Variants in RBFOX1 observed in about 807,000 individuals in gnomAD.
RBFOX1 encodes RNA binding protein fox-1 homolog 1.
In RBFOX1, 8 loss-of-function variants were observed where a neutral mutation model predicts 57.7. That is an observed-to-expected ratio of 0.14 (90% CI 0.08 to 0.25). RBFOX1 has a LOEUF of 0.25. Among genes scored for constraint, RBFOX1 ranks in the 10% least tolerant of loss-of-function variants. The pLI, the probability that RBFOX1 is intolerant of heterozygous loss-of-function variation, is 1.00. For missense variants in RBFOX1, 611 were observed against 548.5 expected, an observed-to-expected ratio of 1.11 and a Z score of -1.14; for synonymous variants, 326 against 222.4, an observed-to-expected ratio of 1.47 and a Z score of -4.15.
intron 4 of RBFOX1, among the ~76,000 whole-genome samples, chr16:6,005,907 C>A (rs749637213): frequency 3.3e-5 from 5 of 152,108 alleles, no homozygotes; most frequent in Non-Finnish European, 7.4e-5. Context: ...AGTGGGATGA[C>A]AGAAGAGACT....
At chr16:5,676,096 G>A (rs1006419142) in intron 3 of RBFOX1, among the ~76,000 whole-genome samples, 1 of 152,152 alleles carries the variant, frequency 6.6e-6, no homozygotes, top group Admixed American at 6.5e-5. Flanking sequence ...CTGGGGCATT[G>A]AGGGGCAGGG....
At chr16:7,053,085 T>C in intron 4 of RBFOX1, among the ~76,000 whole-genome samples, 1 of 152,202 alleles carries the variant, frequency 6.6e-6, no homozygotes, top group East Asian at 1.9e-4. Context: ...CCTGTAACTT[T>C]TCAGAGCATT....
chr16:6,020,649 G>C (rs2095053717), intron 1 of RBFOX1, among the ~76,000 whole-genome samples: 1 of 152,180 alleles, frequency 6.6e-6, no homozygotes, highest in African/African-American at 2.4e-5. Flanking sequence ...TCACCCCAGA[G>C]AAGGAAACAC....
At chr16:6,070,484 C>G (rs897852594) in intron 1 of RBFOX1, among the ~76,000 whole-genome samples, 1 of 152,132 alleles carries the variant, frequency 6.6e-6, no homozygotes, top group Non-Finnish European at 1.5e-5. Context: ...CTAGGGCACA[C>G]TCAAATATCC....
At chr16:7,457,717 A>T (rs759392230) in intron 4 of RBFOX1, among the ~76,000 whole-genome samples, 2 of 151,978 alleles carry the variant, frequency 1.3e-5, no homozygotes, top group East Asian at 3.9e-4. Context: ...GGCCCTCCCC[A>T]TTCCTCCCAG....
At chr16:7,708,565 C>T (rs1369502564) in intron 14 of RBFOX1, among the ~76,000 whole-genome samples, 1 of 152,212 alleles carries the variant, frequency 6.6e-6, no homozygotes, top group African/African-American at 2.4e-5. Context: ...ATACTTGTTC[C>T]TTTCCATTCT....
At chr16:7,700,618 G>T (rs927909388) in intron 14 of RBFOX1, among the ~76,000 whole-genome samples, 2 of 152,170 alleles carry the variant, frequency 1.3e-5, no homozygotes, top group Non-Finnish European at 2.9e-5. Context: ...GACAAACAAA[G>T]GAGAAATGAA....
At chr16:6,423,666 A>C (rs1253461951) in intron 2 of RBFOX1, among the ~76,000 whole-genome samples, 1 of 152,188 alleles carries the variant, frequency 6.6e-6, no homozygotes, top group East Asian at 1.9e-4. Context: ...GAGCAGAGAA[A>C]GACCAAGAGC....
At chr16:6,270,240 A>G (rs1016254508) in intron 1 of RBFOX1, among the ~76,000 whole-genome samples, 3 of 152,164 alleles carry the variant, frequency 2.0e-5, no homozygotes, top group Non-Finnish European at 4.4e-5. Context: ...CATACCAATA[A>G]TTACATTAAA....
chr16:6,153,343 T>G (rs902547661), intron 1 of RBFOX1, among the ~76,000 whole-genome samples: 1 of 152,232 alleles, frequency 6.6e-6, no homozygotes, highest in Non-Finnish European at 1.5e-5. Flanking sequence ...AAAACCATTT[T>G]GAATATTAAA....
At chr16:7,262,313 A>ATT (rs556478826) in intron 4 of RBFOX1, among the ~76,000 whole-genome samples, 2,315 of 146,380 alleles carry the variant, frequency 0.016, 33 homozygotes, top group African/African-American at 0.03. Context: ...CCATTTCTCT[A>ATT]TTTTTTTTTT....
At chr16:7,086,715 A>G (rs987417499) in intron 4 of RBFOX1, among the ~76,000 whole-genome samples, 2 of 16,038 alleles carry the variant, frequency 1.2e-4, no homozygotes, top group African/African-American at 5.6e-4. Flanking sequence ...GGGAGGGAAG[A>G]ATGTATACAC....
chr16:5,659,759 T>G (rs2049585456), intron 3 of RBFOX1, among the ~76,000 whole-genome samples: 1 of 152,132 alleles, frequency 6.6e-6, no homozygotes, highest in Admixed American at 6.5e-5. Context: ...GTTACCAAGG[T>G]AGAGAACAAA....
At chr16:6,639,763 C>A (rs925748793) in intron 2 of RBFOX1, among the ~76,000 whole-genome samples, 6 of 152,076 alleles carry the variant, frequency 3.9e-5, no homozygotes, top group African/African-American at 1.4e-4. Flanking sequence ...CCTGTAGTCC[C>A]AGCTACTCGG....
chr16:7,439,786 T>G (rs1174491812), intron 4 of RBFOX1, among the ~76,000 whole-genome samples: 1 of 152,154 alleles, frequency 6.6e-6, no homozygotes. Flanking sequence ...ATTTACAGAT[T>G]GCTTGCTTGT....
intron 4 of RBFOX1, among the ~76,000 whole-genome samples, chr16:5,881,094 C>G (rs756377953): frequency 1.3e-5 from 2 of 152,118 alleles, no homozygotes; most frequent in Non-Finnish European, 2.9e-5. Context: ...TAGTGAAAAT[C>G]AAGTTTTATT....
intron 4 of RBFOX1, among the ~76,000 whole-genome samples, chr16:7,137,588 C>T (rs574175460): frequency 4.6e-5 from 7 of 152,280 alleles, no homozygotes; most frequent in South Asian, 4.1e-4. Context: ...TTATACATTA[C>T]CCAGTCTCAG....
chr16:5,885,028 C>G (rs1322714375), intron 4 of RBFOX1, among the ~76,000 whole-genome samples: 1 of 152,214 alleles, frequency 6.6e-6, no homozygotes, highest in East Asian at 1.9e-4. Flanking sequence ...AAATGACACT[C>G]TGTTTTGTAA....
At chr16:7,706,066 C>T (rs1241757897) in intron 14 of RBFOX1, among the ~76,000 whole-genome samples, 1 of 152,110 alleles carries the variant, frequency 6.6e-6, no homozygotes, top group Non-Finnish European at 1.5e-5. Context: ...CTGTGCTTAG[C>T]CAGCTCTGAG....
Sources: gnomAD v4.1 joint callset for allele counts (sites outside exome capture counted in the v4.1 genomes callset) on GRCh38, gnomAD v4.1.1 for gene constraint, MANE v1.5 for transcripts, NCBI Gene and HGNC (gene_info 2026-07-23, HGNC 2026-07-21) for gene names.